The following NPAS1 variants were observed in gnomAD, a reference collection of about 807,000 sequenced individuals.
NPAS1 encodes the protein neuronal PAS domain-containing protein 1.
In NPAS1, 29 loss-of-function variants were observed where a neutral mutation model predicts 49.2. That is an observed-to-expected ratio of 0.59 (90% CI 0.44 to 0.80). The LOEUF is 0.80. Among genes scored for constraint, NPAS1 ranks in the 30% least tolerant of loss-of-function variants. The probability of loss-of-function intolerance (pLI) is 0.00; values close to 1 mark genes in which losing one functional copy is unlikely to be tolerated. For missense variants in NPAS1, 825 were observed against 835.5 expected (o/e 0.99, Z 0.15); for synonymous variants, 408 against 380.4 (o/e 1.07, Z -0.84).
At chr19:47,020,079 G>A (rs1479699029) in intron 1 of NPAS1, 82 bp downstream of exon 1, 2 of 186,106 alleles carry the variant, frequency 1.1e-5, no homozygotes, top group East Asian at 1.1e-4. Context: ...TGTCCTGGGG[G>A]ATAGGGGGTG....
rs1024163439 is a variant in NPAS1, at chr19:47,021,456, A to G, written c.123-156A>G. Among the ~76,000 whole-genome samples the G allele has an allele frequency of 6.6e-6, 1 of 151,894 alleles. No individual in the cohort carries two copies. Among genetic ancestry groups the G allele is most frequent in the African/African-American group, 2.4e-5 (1 of 41,340 alleles). ...TTCTGTCCCTGGGTCGGAGTGTAAA[A>G]TCCACACTCCGGTCTGCTCCCACCT... On this transcript the variant is annotated intron_variant, in intron 2 of 11. Coordinates refer to ENST00000602212, the MANE Select transcript of NPAS1 (RefSeq NM_002517.4). The surrounding 1 kb of genome is among the most constrained non-coding windows in gnomAD (Gnocchi z 5.7).
intron 10 of NPAS1, among the ~76,000 whole-genome samples, chr19:47,041,595 C>T (rs1029416196): frequency 1.1e-4 from 16 of 152,010 alleles, no homozygotes; most frequent in Non-Finnish European, 1.6e-4. Context: ...CTGAAGATGA[C>T]GGCCTGGCCT....
rs1350295883 is a variant in NPAS1 at position 47,039,057 on chromosome 19, C to T, written c.710C>T (p.Pro237Leu). 2.5e-6 allele frequency: 4 copies of T among 1,614,042 alleles called. No homozygotes were observed. The highest frequency in any genetic ancestry group is 3.4e-6 in the Non-Finnish European group (4 of 1,180,024). Residue 237 changes from proline (P) to leucine (L), a missense_variant, in exon 7 of 12, where the codon CCC becomes CTC. By Grantham distance (98) the Pro-to-Leu change is moderately conservative. Coordinates refer to ENST00000602212, the MANE Select transcript of NPAS1 (RefSeq NM_002517.4). The stretch of plus-strand genomic sequence containing the variant: ...CCAGAGGCCAGCCTCACCAAGGTGC[C>T]CCCCTCCTCCCTGGTCCAGGAGCGC... ...PEIEASLTKVPPSSLVQERSF... is the reference protein window; with the variant it reads ...PEIEASLTKVLPSSLVQERSF...
In NPAS1 at chr19:47,021,749, T is replaced by C. The variant is rs1016518035; in HGVS notation, c.260T>C (p.Ile87Thr). 3.2e-6 allele frequency: 5 copies of C among 1,544,166 alleles called. No individual in the cohort carries two copies. Among genetic ancestry groups the C allele is most frequent in the Non-Finnish European group, 2.6e-6 (3 of 1,145,120 alleles). ...TCCAGCCAGCTGGACAAGGCTTCCATCGTGCGCCTCAGCGTCACCTACCTC... is the reference window on the plus strand; with the variant it reads ...TCCAGCCAGCTGGACAAGGCTTCCACCGTGCGCCTCAGCGTCACCTACCTC... ...AISSQLDKAS[I>T]VRLSVTYLRL... The change falls in exon 3 of 12, where the codon ATC becomes ACC. Residue 87 changes from isoleucine (I) to threonine (T), a missense_variant. Transcript: ENST00000602212. This position sits in a 1 kb window ranked among gnomAD's most constrained non-coding sequence, Gnocchi z 5.7.
rs561417262 is a variant in NPAS1 at position 47,032,359 on chromosome 19, A to T, written c.432+8A>T. ...GGAGGTCACATCTTGCAGGTGAGTGAGGCCCCTTCCCTGCCTGCCGCTCCT... is the reference window on the plus strand; with the variant it reads ...GGAGGTCACATCTTGCAGGTGAGTGTGGCCCCTTCCCTGCCTGCCGCTCCT... On this transcript the variant is annotated splice_region_variant and intron_variant, in intron 4 of 11. Transcript: ENST00000602212. 1 of 1,613,684 alleles carries T rather than the reference A, an allele frequency of 6.2e-7. No individual in the cohort carries two copies. The highest frequency in any genetic ancestry group is 1.1e-5 in the South Asian group (1 of 91,066).
chr19:47,032,454 T>C (rs943354841), intron 4 of NPAS1, 103 bp downstream of exon 4: 3 of 1,321,358 alleles, frequency 2.3e-6, no homozygotes, highest in South Asian at 1.2e-5. Flanking sequence ...GGGGGGTACC[T>C]GGACTGGGAA....
intron 5 of NPAS1, among the ~76,000 whole-genome samples, chr19:47,035,138 G>A (rs1181050432): frequency 6.8e-6 from 1 of 146,436 alleles, no homozygotes; most frequent in African/African-American, 2.5e-5. Flanking sequence ...CCGAGATCGC[G>A]CCATTGCACT....
In NPAS1 at chr19:47,041,143, C is replaced by A. The variant is rs1374157916; in HGVS notation, c.1217+18C>A. 3 of 1,552,662 alleles carry A rather than the reference C, an allele frequency of 1.9e-6. No individual in the cohort carries two copies. The highest frequency in any genetic ancestry group is 2.7e-5 in the African/African-American group (2 of 73,570). ...GTGCTCAGGTGAGGGCTGTGCCCAC[C>A]CCTCCTGCAGGGCACTCAGGGCCCT... is the stretch of plus-strand genomic sequence containing the variant. On this transcript the variant is annotated intron_variant, in intron 10 of 11. Coordinates refer to ENST00000602212, the MANE Select transcript of NPAS1 (RefSeq NM_002517.4).
intron 5 of NPAS1, among the ~76,000 whole-genome samples, chr19:47,033,975 T>TAAAAAAAAAAA (rs532811476): frequency 9.9e-6 from 1 of 100,852 alleles, no homozygotes; most frequent in Non-Finnish European, 1.9e-5. Flanking sequence ...GGCTATGCCT[T>TAAAAAAAAAAA]AAAAAAAAAA....
chr19:47,021,281 CT>C lies in NPAS1; in HGVS notation c.122+114del. The C allele has an allele frequency of 1.0e-6, 1 of 983,650 alleles. No homozygotes were observed. The highest frequency in any genetic ancestry group is 1.5e-6 in the Non-Finnish European group (1 of 689,470). 60.9% of individuals were successfully genotyped at this position (983,650 alleles called of 1,614,324 possible). ...TCACACCCAGCTCCCTGACCCGCCCCTTAGGGCTAGAAGGTCTTACCTTGAG... is the reference window on the plus strand; with the variant it reads ...TCACACCCAGCTCCCTGACCCGCCCCTAGGGCTAGAAGGTCTTACCTTGAG... On this transcript the variant is annotated intron_variant, in intron 2 of 11. Transcript: ENST00000602212. The surrounding 1 kb of genome is among the most constrained non-coding windows in gnomAD (Gnocchi z 5.7).
At chr19:47,020,926 T>A in intron 1 of NPAS1, 80 bp from the exon 2 acceptor site, 1 of 348,014 alleles carries the variant, frequency 2.9e-6, no homozygotes, top group Non-Finnish European at 4.8e-6. Context: ...GCTGGGACCC[T>A]GAGCCCTGCA....
At chr19:47,027,496 GCC>G in intron 3 of NPAS1, among the ~76,000 whole-genome samples, 1 of 59,652 alleles carries the variant, frequency 1.7e-5, no homozygotes, top group South Asian at 4.5e-4. Context: ...CCGTCTCTCT[GCC>G]CCTGGTCTCC....
intron 8 of NPAS1, among the ~76,000 whole-genome samples, chr19:47,040,003 C>T (rs369245536): frequency 6.6e-6 from 1 of 152,042 alleles, no homozygotes; most frequent in African/African-American, 2.4e-5. Context: ...GCAGCTGCCC[C>T]GGGAGAGACA....
chr19:47,026,443 G>A (rs2056871155), intron 3 of NPAS1, among the ~76,000 whole-genome samples: 2 of 152,216 alleles, frequency 1.3e-5, no homozygotes, highest in Non-Finnish European at 2.9e-5. Flanking sequence ...GAGGTGGTGA[G>A]GGCGGAAGTA....
chr19:47,021,612 C>T lies in NPAS1; in HGVS notation c.123C>T (p.Cys41=), dbSNP rs751169902. 1.3e-6 allele frequency: 2 copies of T among 1,495,846 alleles called. No individual in the cohort carries two copies. The highest frequency in any genetic ancestry group is 1.3e-5 in the South Asian group (1 of 78,934). 92.7% of individuals were successfully genotyped at this position (1,495,846 alleles called of 1,614,324 possible). A position where few individuals can be genotyped will look rare whatever the true frequency, so the allele number is the denominator to read the frequency against. Residue 41 remains cysteine (C), a splice_region_variant and synonymous_variant, in exon 3 of 12, where the codon TGC becomes TGT. Transcript: ENST00000602212. This position sits in a 1 kb window ranked among gnomAD's most constrained non-coding sequence, Gnocchi z 5.7. ...GLMVKAPSGP[C]LQAQRKEKSR... is the part of the protein sequence containing the mutation. ...CACCTCCTCCGCGCCGCCCGCCCAG[C>T]CTGCAGGCGCAGCGCAAGGAGAAGT...
chr19:47,039,523 C>T lies in NPAS1; in HGVS notation c.921C>T (p.Phe307=). ...CACTCCATGGACACATGATCGTCTT[C>T]CGTCTCAGCCTGGGTCTCACCATCC... ...ELPLHGHMIV[F]RLSLGLTILA... The change falls in exon 8 of 12, where the codon TTC becomes TTT. Residue 307 remains phenylalanine, a synonymous_variant. Coordinates refer to ENST00000602212, the MANE Select transcript of NPAS1 (RefSeq NM_002517.4). 4 of 1,605,286 alleles carry T rather than the reference C, an allele frequency of 2.5e-6. No individual in the cohort carries two copies. The South Asian group carries it at 4.4e-5, about 18-fold the overall frequency.
Position 47,021,507 on chromosome 19 carries a change from C to A in NPAS1, c.123-105C>A. On this transcript the variant is annotated intron_variant, in intron 2 of 11. Transcript: ENST00000602212. The surrounding 1 kb of genome is among the most constrained non-coding windows in gnomAD (Gnocchi z 5.7). Reference sequence around the variant, plus strand: ...CCAGAGATGTGGAATCCACTCCCAACGTCCCGTCCCGTTCCCAAGGCCCCG... The same window carrying A: ...CCAGAGATGTGGAATCCACTCCCAAAGTCCCGTCCCGTTCCCAAGGCCCCG... The A allele has an allele frequency of 2.7e-6, 2 of 737,108 alleles. No homozygotes were observed. The highest frequency in any genetic ancestry group is 4.2e-6 in the Non-Finnish European group (2 of 481,764). The allele number at this position is 737,108 out of a possible 1,614,324, so 45.7% of individuals were successfully genotyped here.
At chr19:47,039,369 C>G (rs199769154) in intron 7 of NPAS1, 38 bp from the exon 8 acceptor site, 1 of 1,608,534 alleles carries the variant, frequency 6.2e-7, no homozygotes, top group East Asian at 2.2e-5. Context: ...CCCACTGGCC[C>G]GCCTTGTCCC....
Position 47,021,908 on chromosome 19 carries a change from A to C in NPAS1, c.358+61A>C, listed in dbSNP as rs1181691138. ...CCTCCAGGCGGAGTCACTGCAGCCC[A>C]GATCCGGGCTGCGGGCCTGCCCTCG... On this transcript the variant is annotated intron_variant, in intron 3 of 11. Coordinates refer to ENST00000602212, the MANE Select transcript of NPAS1 (RefSeq NM_002517.4). The surrounding 1 kb of genome is among the most constrained non-coding windows in gnomAD (Gnocchi z 5.7). 8.8e-7 allele frequency: 1 copy of C among 1,130,348 alleles called. No homozygotes were observed. Among genetic ancestry groups the C allele is most frequent in the Admixed American group, 3.7e-5 (1 of 27,200 alleles). 70.0% of individuals were successfully genotyped at this position (1,130,348 alleles called of 1,614,324 possible). A position where few individuals can be genotyped will look rare whatever the true frequency, so the allele number is the denominator to read the frequency against.
Sources: allele counts gnomAD v4.1 joint callset (sites outside exome capture counted in the v4.1 genomes callset), GRCh38; gene constraint gnomAD v4.1.1; non-coding constraint Gnocchi (gnomAD v3.1); transcripts MANE v1.5; gene names NCBI Gene and HGNC (gene_info 2026-07-23, HGNC 2026-07-21).